NPY2R: variants seen among roughly 807,000 people sequenced by gnomAD.
NPY2R encodes the protein neuropeptide Y receptor Y2.
In NPY2R, 17 loss-of-function variants were observed where a neutral mutation model predicts 22.3. The observed-to-expected ratio is 0.76, with a 90% CI of 0.52 to 1.14. The LOEUF (loss-of-function observed/expected upper bound fraction) is 1.14, where lower values mean the gene tolerates loss of function less well. NPY2R is among the 50% of genes most tolerant of loss of function. The pLI, the probability that NPY2R is intolerant of heterozygous loss-of-function variation, is 0.00. For synonymous variants in NPY2R, 209 were observed against 183.4 expected, an observed-to-expected ratio of 1.14 and a Z score of -1.13; for missense variants, 424 against 467.9, an observed-to-expected ratio of 0.91 and a Z score of 0.87.
In NPY2R at chr4:155,216,663, T is replaced by G. The variant is rs1042303847; in HGVS notation, c.*1578T>G. The G allele has an allele frequency of 1.8e-5, 3 of 167,050 alleles. No homozygotes were observed. The highest frequency in any genetic ancestry group is 6.5e-5 in the Admixed American group (1 of 15,284). 10.3% of individuals were successfully genotyped at this position (167,050 alleles called of 1,614,324 possible). On this transcript the variant is annotated 3_prime_UTR_variant, in exon 2 of 2. Coordinates refer to ENST00000329476, the MANE Select transcript of NPY2R (RefSeq NM_000910.4). ...TAGATATAAAGGACTGGTTTTTAAG[T>G]GCACTGCACTTCTGGAATACTGAAA...
chr4:155,203,317 G>A, the NPY2R span, among the ~76,000 whole-genome samples: 1 of 152,072 alleles, frequency 6.6e-6, no homozygotes, highest in East Asian at 1.9e-4. Context: ...AAGAAATTTA[G>A]CCTATGAGAT....
chr4:155,208,607 G>A (rs1053422523), upstream of NPY2R: 1 of 152,432 alleles, frequency 6.6e-6, no homozygotes, highest in African/African-American at 2.4e-5. The surrounding 1 kb of genome is among the most constrained non-coding windows in gnomAD (Gnocchi z 5.6). Flanking sequence ...GGGTCTGGCT[G>A]AGCGGGCTTG....
chr4:155,210,762 A>G (rs1729387334), intron 1 of NPY2R, among the ~76,000 whole-genome samples: 2 of 152,166 alleles, frequency 1.3e-5, no homozygotes, highest in African/African-American at 4.8e-5. Flanking sequence ...GGAAACTCTC[A>G]TGTCTCTCTG....
chr4:155,201,852 A>C, the NPY2R span, among the ~76,000 whole-genome samples: 2 of 152,186 alleles, frequency 1.3e-5, no homozygotes, highest in African/African-American at 2.4e-5. Flanking sequence ...GCTTTATAGC[A>C]CAGCAGGATA....
chr4:155,196,028 G>A, the NPY2R span, among the ~76,000 whole-genome samples: 1 of 151,948 alleles, frequency 6.6e-6, no homozygotes, highest in African/African-American at 2.4e-5. Flanking sequence ...GAAGGTCTTA[G>A]TAATTATTTC....
In NPY2R at chr4:155,212,613, T is replaced by G. The variant is rs1330973885; in HGVS notation, c.-48-1279T>G. 2.0e-5 allele frequency among the ~76,000 whole-genome samples: 3 copies of G among 152,118 alleles called. No individual in the cohort carries two copies. The East Asian group carries it at 5.8e-4, about 29-fold the overall frequency. On this transcript the variant is annotated intron_variant, in intron 1 of 1. Coordinates refer to ENST00000329476, the MANE Select transcript of NPY2R (RefSeq NM_000910.4). Reference sequence around the variant, plus strand: ...TTGAGTAGACACTCGATTATTTCTGTTAGGTGAATGAATTAATTAATAAAT... The same window carrying G: ...TTGAGTAGACACTCGATTATTTCTGGTAGGTGAATGAATTAATTAATAAAT...
the NPY2R span, among the ~76,000 whole-genome samples, chr4:155,190,925 T>A: frequency 6.6e-6 from 1 of 151,976 alleles, no homozygotes; most frequent in Non-Finnish European, 1.5e-5. Flanking sequence ...TTTCTCACTA[T>A]ATGTTTCCAA....
chr4:155,174,484 A>ATATATTTTTTTT, the NPY2R span, among the ~76,000 whole-genome samples: 6 of 106,068 alleles, frequency 5.7e-5, no homozygotes, highest in African/African-American at 2.7e-4. Context: ...ATATATATAT[A>ATATATTTTTTTT]TTTTTTTTTT....
chr4:155,180,924 T>C, the NPY2R span, among the ~76,000 whole-genome samples: 2 of 152,152 alleles, frequency 1.3e-5, no homozygotes, highest in Admixed American at 6.5e-5. Flanking sequence ...TTACGTTTTA[T>C]TGGTGATTCA....
At chr4:155,184,382 AC>A in the NPY2R span, among the ~76,000 whole-genome samples, 7 of 152,304 alleles carry the variant, frequency 4.6e-5, no homozygotes, top group East Asian at 5.8e-4. Flanking sequence ...TAATTATTAA[AC>A]CCAGAGAAAT....
At chr4:155,200,898 A>G in the NPY2R span, among the ~76,000 whole-genome samples, 15 of 152,086 alleles carry the variant, frequency 9.9e-5, no homozygotes, top group Admixed American at 9.8e-4. Flanking sequence ...CAAACTGCTA[A>G]TGCACGTGGG....
chr4:155,204,338 C>T (rs1490355688), upstream of NPY2R, among the ~76,000 whole-genome samples: 1 of 152,194 alleles, frequency 6.6e-6, no homozygotes, highest in Non-Finnish European at 1.5e-5. Flanking sequence ...CCACCTGGGG[C>T]CACTGAAATT....
In NPY2R at chr4:155,214,157, A is replaced by G; in HGVS notation, c.218A>G (p.His73Arg). ...LGVIGNSLVI[H>R]VVIKFKSMRT... Reference sequence around the variant, plus strand: ...GTAATTGGCAACTCCTTGGTGATCCATGTGGTGATCAAATTCAAGAGCATG... The same window carrying G: ...GTAATTGGCAACTCCTTGGTGATCCGTGTGGTGATCAAATTCAAGAGCATG... Residue 73 changes from histidine to arginine, a missense_variant, in exon 2 of 2, where the codon CAT becomes CGT. Transcript: ENST00000329476. 6.2e-7 allele frequency: 1 copy of G among 1,613,678 alleles called. No individual in the cohort carries two copies. The highest frequency in any genetic ancestry group is 8.5e-7 in the Non-Finnish European group (1 of 1,179,582).
At chr4:155,180,157 C>G in the NPY2R span, among the ~76,000 whole-genome samples, 1 of 151,900 alleles carries the variant, frequency 6.6e-6, no homozygotes, top group Non-Finnish European at 1.5e-5. Context: ...TAGGCTCAGG[C>G]AATCCTCCCA....
the NPY2R span, among the ~76,000 whole-genome samples, chr4:155,196,708 G>A: frequency 4.6e-5 from 7 of 151,880 alleles, no homozygotes; most frequent in African/African-American, 1.7e-4. Context: ...GAGTGGTGAG[G>A]CTGAAGTAAC....
upstream of NPY2R, chr4:155,206,808 A>T (rs1472803665): frequency 6.6e-6 from 1 of 152,194 alleles, no homozygotes; most frequent in African/African-American, 2.4e-5. Context: ...GTTTTGCTGG[A>T]TATTTGATTT....
At chr4:155,197,523 A>G in the NPY2R span, among the ~76,000 whole-genome samples, 8 of 151,652 alleles carry the variant, frequency 5.3e-5, no homozygotes, top group Non-Finnish European at 1.2e-4. Context: ...TCCTTGCTAG[A>G]GTGGGATGAA....
chr4:155,194,496 A>G, the NPY2R span, among the ~76,000 whole-genome samples: 1 of 151,948 alleles, frequency 6.6e-6, no homozygotes, highest in Non-Finnish European at 1.5e-5. Context: ...GAGAACATGC[A>G]ATATTTGACT....
At chr4:155,185,289 C>T in the NPY2R span, among the ~76,000 whole-genome samples, 1 of 152,134 alleles carries the variant, frequency 6.6e-6, no homozygotes, top group Non-Finnish European at 1.5e-5. Context: ...CTGCCTGCCT[C>T]AGCCTCCCAA....
Sources: gnomAD v4.1 joint callset for allele counts (sites outside exome capture counted in the v4.1 genomes callset) on GRCh38, gnomAD v4.1.1 for gene constraint, Gnocchi (gnomAD v3.1) non-coding constraint, MANE v1.5 for transcripts, NCBI Gene and HGNC (gene_info 2026-07-23, HGNC 2026-07-21) for gene names.